The following COL6A6 variants were observed in gnomAD, a reference collection of about 807,000 sequenced individuals.
The protein encoded by COL6A6 is collagen alpha-6(VI) chain.
Under a neutral mutation model 208.6 loss-of-function variants are expected in COL6A6, and 183 were observed. The ratio of observed to expected loss-of-function variants is 0.88; its 90% CI spans 0.78 to 0.99. The LOEUF is 0.99. Ranked by LOEUF, COL6A6 falls within the 50% of genes least tolerant of loss-of-function variation. COL6A6 has a pLI of 0.00. For missense variants in COL6A6, 2,816 were observed against 2,815.2 expected (o/e 1.00, Z -0.01); for synonymous variants, 973 against 1,011.8 (o/e 0.96, Z 0.73).
At position 130,565,582 on chromosome 3, in the gene COL6A6, T is replaced by C; in HGVS notation, c.1250T>C (p.Val417Ala). Reference protein sequence around the residue: ...LRNQITHTVSVFSERTETLKS... With the variant: ...LRNQITHTVSAFSERTETLKS... ...AACCAAATAACACACACAGTCTCTG[T>C]CTTTTCAGAGAGGACTGAAACGCTC... The change falls in exon 4 of 37, where the codon GTC becomes GCC. Residue 417 changes from valine (V) to alanine (A), a missense_variant. Coordinates refer to ENST00000358511, the MANE Select transcript of COL6A6 (RefSeq NM_001102608.3). 6.2e-7 allele frequency: 1 copy of C among 1,613,476 alleles called. No individual in the cohort carries two copies. Among genetic ancestry groups the C allele is most frequent in the Non-Finnish European group, 8.5e-7 (1 of 1,179,628 alleles).
chr3:130,642,153 C>G (rs571634629), intron 29 of COL6A6, among the ~76,000 whole-genome samples: 2 of 151,732 alleles, frequency 1.3e-5, no homozygotes, highest in East Asian at 3.9e-4. Context: ...TTGAAAGAAG[C>G]CAGACTCCTC....
intron 2 of COL6A6, among the ~76,000 whole-genome samples, chr3:130,561,178 A>T (rs1245171091): frequency 1.3e-5 from 2 of 152,212 alleles, no homozygotes; most frequent in Non-Finnish European, 2.9e-5. Context: ...AGTCCGCCTT[A>T]TGTGCCACTC....
At position 130,567,113 on chromosome 3, in the gene COL6A6, T is replaced by G. The variant is rs557150504; in HGVS notation, c.1694T>G (p.Ile565Ser). The G allele has an allele frequency of 5.0e-6, 8 of 1,613,936 alleles. No homozygotes were observed. The South Asian group carries it at 8.8e-5, about 18-fold the overall frequency. Residue 565 changes from isoleucine (I) to serine (S), a missense_variant, in exon 5 of 37, where the codon ATC becomes AGC. Transcript: ENST00000358511. ...GCAAACAGACTGAGAGAAGAGCACATCCGAGTTTATGCTATCGGGATCAAG... is the reference window on the plus strand; with the variant it reads ...GCAAACAGACTGAGAGAAGAGCACAGCCGAGTTTATGCTATCGGGATCAAG... ...EPANRLREEHIRVYAIGIKEA... is the reference protein window; with the variant it reads ...EPANRLREEHSRVYAIGIKEA...
intron 29 of COL6A6, 55 bp from the exon 30 acceptor site, chr3:130,642,777 G>C (rs2065354367): frequency 6.7e-7 from 1 of 1,500,956 alleles, no homozygotes; most frequent in Non-Finnish European, 9.2e-7. Flanking sequence ...GTGCACACTG[G>C]CTACTGATGT....
At chr3:130,620,430 A>G (rs1051015993) in intron 23 of COL6A6, among the ~76,000 whole-genome samples, 1 of 152,196 alleles carries the variant, frequency 6.6e-6, no homozygotes, top group Non-Finnish European at 1.5e-5. Flanking sequence ...TTAAGGGAAA[A>G]GTTTCAAAGA....
chr3:130,543,572 C>A (rs7618789), intron 1 of COL6A6, among the ~76,000 whole-genome samples: 121,631 of 152,060 alleles, frequency 0.8, 49,376 homozygotes, highest in Non-Finnish European at 0.87. Context: ...CAACTAATCC[C>A]AGTCTACTTT....
intron 24 of COL6A6, among the ~76,000 whole-genome samples, chr3:130,622,985 G>T (rs945166511): frequency 6.6e-6 from 1 of 152,122 alleles, no homozygotes; most frequent in African/African-American, 2.4e-5. Flanking sequence ...AAAATCCTGA[G>T]AGAAGAGGAG....
chr3:130,639,563 T>G (rs564768982), intron 28 of COL6A6, among the ~76,000 whole-genome samples: 1 of 152,056 alleles, frequency 6.6e-6, no homozygotes. Flanking sequence ...CGTGGTGGCA[T>G]GTACCTGTAG....
Position 130,648,605 on chromosome 3 carries a change from GTCAGTTTTCT to G in COL6A6, c.5240-461_5240-452del, listed in dbSNP as rs796953430. Among the ~76,000 whole-genome samples the G allele has an allele frequency of 5.3e-5, 8 of 152,324 alleles. No homozygotes were observed. The South Asian group carries it at 1.7e-3, about 32-fold the overall frequency. ...TCTCATTCTTTGCTCTGTAAATTAT[GTCAGTTTTCT>G]TCCAATTTTTCTAAAATTATCAGAG... is the stretch of plus-strand genomic sequence containing the variant. On this transcript the variant is annotated intron_variant, in intron 32 of 36. Transcript: ENST00000358511.
At chr3:130,545,777 GA>G (rs1363401894) in intron 1 of COL6A6, among the ~76,000 whole-genome samples, 4 of 152,090 alleles carry the variant, frequency 2.6e-5, no homozygotes, top group Admixed American at 6.5e-5. Context: ...CTTTATCTCT[GA>G]TTGTCTATGG....
intron 32 of COL6A6, 46 bp downstream of exon 32, chr3:130,645,048 G>A (rs368995385): frequency 8.2e-6 from 13 of 1,578,130 alleles, no homozygotes; most frequent in Admixed American, 3.3e-5. Context: ...GCTCTAAAAT[G>A]TCATACATCT....
At chr3:130,638,015 G>T (rs2065206129) in intron 28 of COL6A6, among the ~76,000 whole-genome samples, 1 of 151,512 alleles carries the variant, frequency 6.6e-6, no homozygotes, top group South Asian at 2.1e-4. Flanking sequence ...CCACACCCCA[G>T]GTTATGACAA....
chr3:130,524,355 T>C (rs1024695625), intron 1 of COL6A6, among the ~76,000 whole-genome samples: 5 of 152,362 alleles, frequency 3.3e-5, no homozygotes, highest in South Asian at 2.1e-4. Flanking sequence ...AAAACAGTTT[T>C]CAAGTTCACT....
At position 130,574,540 on chromosome 3, in the gene COL6A6, A is replaced by G. The variant is rs369167528; in HGVS notation, c.3547+15A>G. ...GGGTGAAAGCAGTAAGTATTTAGCAAGTTCTTCATTCGATTCCCTACACCA... is the reference window on the plus strand; with the variant it reads ...GGGTGAAAGCAGTAAGTATTTAGCAGGTTCTTCATTCGATTCCCTACACCA... On this transcript the variant is annotated intron_variant, in intron 8 of 36. Coordinates refer to ENST00000358511, the MANE Select transcript of COL6A6 (RefSeq NM_001102608.3). 15 of 1,601,550 alleles carry G rather than the reference A, an allele frequency of 9.4e-6. No homozygotes were observed. In the African/African-American group the frequency reaches 1.1e-4, roughly 11 times the overall value.
intron 22 of COL6A6, among the ~76,000 whole-genome samples, chr3:130,609,797 T>C (rs921451618): frequency 6.6e-6 from 1 of 152,164 alleles, no homozygotes; most frequent in Non-Finnish European, 1.5e-5. Flanking sequence ...GCTTTTTGCC[T>C]GGAAGTTGGG....
chr3:130,667,625 A>G (rs1485411828), intron 36 of COL6A6, among the ~76,000 whole-genome samples: 1 of 152,200 alleles, frequency 6.6e-6, no homozygotes. Context: ...AAAATAAAAC[A>G]TTTCACCTGG....
At chr3:130,552,070 A>AT (rs911132149) in intron 1 of COL6A6, among the ~76,000 whole-genome samples, 19 of 152,208 alleles carry the variant, frequency 1.2e-4, no homozygotes, top group Middle Eastern at 3.4e-3. Flanking sequence ...TGTCTGGTTG[A>AT]TTTTAGAGTA....
Position 130,574,388 on chromosome 3 carries a change from T to A in COL6A6, c.3410T>A (p.Ile1137Asn). 6.2e-7 allele frequency: 1 copy of A among 1,613,970 alleles called. No individual in the cohort carries two copies. The highest frequency in any genetic ancestry group is 1.7e-5 in the Admixed American group (1 of 60,024). Residue 1137 changes from isoleucine to asparagine, a missense_variant, in exon 8 of 37, where the codon ATT becomes AAT. Physicochemically the swap from Ile to Asn is moderately radical, Grantham distance 149. Transcript: ENST00000358511. ...HRGIDIYSVG[I>N]GDVDDQQLIQ... ...GGTATCGACATCTACTCCGTGGGCA[T>A]TGGGGATGTGGATGACCAGCAGCTC...
chr3:130,621,860 C>G lies in COL6A6; in HGVS notation c.4855C>G (p.Arg1619Gly). 6.2e-7 allele frequency: 1 copy of G among 1,613,756 alleles called. No individual in the cohort carries two copies. The highest frequency in any genetic ancestry group is 8.5e-7 in the Non-Finnish European group (1 of 1,179,750). The change falls in exon 24 of 37, where the codon CGT (arginine) becomes GGT (glycine). Residue 1619 changes from arginine to glycine, a missense_variant. By Grantham distance (125) the Arg-to-Gly change is moderately radical. Transcript: ENST00000358511. Reference sequence around the variant, plus strand: ...CGGAGGAGAGGCAGGGAATCAAGGCCGTTTGGGAAGCCAAGGAAATAAAGT... The same window carrying G: ...CGGAGGAGAGGCAGGGAATCAAGGCGGTTTGGGAAGCCAAGGAAATAAAGT... ...GPGGEAGNQG[R>G]LGSQGNKGEP...
Sources: allele counts gnomAD v4.1 joint callset (sites outside exome capture counted in the v4.1 genomes callset), GRCh38; gene constraint gnomAD v4.1.1; transcripts MANE v1.5; gene names NCBI Gene and HGNC (gene_info 2026-07-23, HGNC 2026-07-21).